TMEM132E: variants seen among roughly 807,000 people sequenced by gnomAD.
TMEM132E encodes the protein transmembrane protein 132E.
In TMEM132E, 49 loss-of-function variants were observed where a neutral mutation model predicts 78.5. The observed-to-expected ratio is 0.62, with a 90% CI of 0.50 to 0.79. The LOEUF (loss-of-function observed/expected upper bound fraction) is 0.79. TMEM132E is among the 30% of genes least tolerant of loss of function. TMEM132E has a pLI of 0.00. For synonymous variants in TMEM132E, 715 were observed against 670.6 expected (o/e 1.07, Z -1.02); for missense variants, 1,403 against 1,470.9 (o/e 0.95, Z 0.75).
rs754118422 is a variant in TMEM132E at position 34,637,515 on chromosome 17, G to A, written c.2508G>A (p.Glu836=). 6.2e-7 allele frequency: 1 copy of A among 1,604,256 alleles called. No homozygotes were observed. The highest frequency in any genetic ancestry group is 8.5e-7 in the Non-Finnish European group (1 of 1,176,244). ...GCCAACCAGGGCCCGGCGGGGGCGA[G>A]GACGAGGCCCGGGGAGCTGGCCCGC... ...GPSQPGPGGG[E]DEARGAGPPG... is the part of the protein sequence containing the mutation. The change falls in exon 9 of 9, where the codon GAG becomes GAA. Residue 836 remains glutamate, a synonymous_variant. Transcript: ENST00000631683.
chr17:34,635,987 C>A lies in TMEM132E; in HGVS notation c.1978-20C>A. ...TGTGCTTTCCTGGTTCTCTCCCACC[C>A]CGGTCCCGCTCTGCCTCAGGTGGTG... is the stretch of plus-strand genomic sequence containing the variant. On this transcript the variant is annotated intron_variant, in intron 7 of 8. Transcript: ENST00000631683. The A allele has an allele frequency of 7.2e-7, 1 of 1,391,976 alleles. No individual in the cohort carries two copies. The highest frequency in any genetic ancestry group is 9.4e-7 in the Non-Finnish European group (1 of 1,065,842). The allele number at this position is 1,391,976 out of a possible 1,614,324, so 86.2% of individuals were successfully genotyped here.
chr17:34,635,394 G>A (rs1442764528), intron 7 of TMEM132E, among the ~76,000 whole-genome samples: 1 of 152,172 alleles, frequency 6.6e-6, no homozygotes, highest in African/African-American at 2.4e-5. Flanking sequence ...GGTGATCTAG[G>A]AACTCAACTT....
intron 1 of TMEM132E, among the ~76,000 whole-genome samples, chr17:34,587,190 G>A (rs1905708452): frequency 1.3e-5 from 2 of 152,168 alleles, no homozygotes; most frequent in Non-Finnish European, 2.9e-5. Context: ...TCCCAGAACT[G>A]AACATCAGAC....
chr17:34,628,881 C>T (rs1907249868), intron 3 of TMEM132E, 131 bp from the exon 4 acceptor site: 1 of 1,380,248 alleles, frequency 7.2e-7, no homozygotes, highest in Non-Finnish European at 9.7e-7. Flanking sequence ...CTCAGATGGG[C>T]TGGAGAAGGC....
intron 1 of TMEM132E, among the ~76,000 whole-genome samples, chr17:34,589,233 G>GATAAGAGCCCT (rs1355257062): frequency 6.6e-6 from 1 of 152,212 alleles, no homozygotes; most frequent in Non-Finnish European, 1.5e-5. Context: ...GACCAGTCAG[G>GATAAGAGCCCT]ATAAGAGCCC....
intron 6 of TMEM132E, among the ~76,000 whole-genome samples, chr17:34,634,271 TCTCTC>T (rs1238682789): frequency 6.6e-6 from 1 of 152,212 alleles, no homozygotes; most frequent in Non-Finnish European, 1.5e-5. Flanking sequence ...TTTATGTGTC[TCTCTC>T]CTCTCACATT....
intron 1 of TMEM132E, among the ~76,000 whole-genome samples, chr17:34,605,079 G>A (rs1906369221): frequency 6.6e-6 from 1 of 152,296 alleles, no homozygotes; most frequent in South Asian, 2.1e-4. Context: ...GATGGGGCCT[G>A]TGATTTCGTA....
At chr17:34,590,228 C>T (rs1004857327) in intron 1 of TMEM132E, among the ~76,000 whole-genome samples, 1 of 152,334 alleles carries the variant, frequency 6.6e-6, no homozygotes, top group East Asian at 1.9e-4. Context: ...TGCTATGAGC[C>T]ACATCCTGTG....
At position 34,626,775 on chromosome 17, in the gene TMEM132E, C is replaced by A; in HGVS notation, c.716C>A (p.Pro239His). The stretch of plus-strand genomic sequence containing the variant: ...GAGCTCTACTACACGCTCCACGCCC[C>A]TGATGCGTCGGGGGGCTGCGGGGGC... The part of the protein sequence containing the change: ...QAELYYTLHA[P>H]DASGGCGGSR... Residue 239 changes from proline (P) to histidine (H), a missense_variant, in exon 2 of 9, where the codon CCT becomes CAT. Physicochemically the swap from Pro to His is moderately conservative, Grantham distance 77. Coordinates refer to ENST00000631683, the MANE Select transcript of TMEM132E (RefSeq NM_001304438.2). 1 of 1,482,942 alleles carries A rather than the reference C, an allele frequency of 6.7e-7. No homozygotes were observed. Among genetic ancestry groups the A allele is most frequent in the Non-Finnish European group, 9.0e-7 (1 of 1,110,990 alleles). The allele number at this position is 1,482,942 out of a possible 1,614,324, so 91.9% of individuals were successfully genotyped here.
intron 1 of TMEM132E, among the ~76,000 whole-genome samples, chr17:34,615,935 G>T (rs919543822): frequency 6.6e-6 from 1 of 152,092 alleles, no homozygotes; most frequent in Non-Finnish European, 1.5e-5. Context: ...TATAACATAG[G>T]CATTTTGTTA....
rs1036158379 is a variant in TMEM132E, at chr17:34,584,399, C to T, written c.67+3256C>T. On this transcript the variant is annotated intron_variant, in intron 1 of 8. Transcript: ENST00000631683. ...CCCCCTAGCTTCTCACCAGCAGTCC[C>T]CATACCCTGATAGAAATAAATGAAC... Among the ~76,000 whole-genome samples, 11 of 152,360 alleles carry T rather than the reference C, an allele frequency of 7.2e-5. 1 individual carries two copies. In the South Asian group the frequency reaches 2.3e-3, roughly 32 times the overall value.
intron 6 of TMEM132E, 80 bp from the exon 7 acceptor site, chr17:34,634,719 C>A: frequency 6.8e-7 from 1 of 1,463,610 alleles, no homozygotes; most frequent in East Asian, 2.5e-5. Context: ...GAGGACCCAA[C>A]AGGGCAAGGG....
chr17:34,636,207 C>A lies in TMEM132E; in HGVS notation c.2169+9C>A. 1 of 1,472,076 alleles carries A rather than the reference C, an allele frequency of 6.8e-7. No homozygotes were observed. Among genetic ancestry groups the A allele is most frequent in the African/African-American group, 1.5e-5 (1 of 68,944 alleles). 91.2% of individuals were successfully genotyped at this position (1,472,076 alleles called of 1,614,324 possible). A position where few individuals can be genotyped will look rare whatever the true frequency, so the allele number is the denominator to read the frequency against. On this transcript the variant is annotated intron_variant, in intron 8 of 8. Transcript: ENST00000631683. ...TGAGCTTCCTCAAGCAGGTAACTGG[C>A]TCCTTGGCCCACCAGCCAGGGAGTT...
At chr17:34,636,596 C>T (rs1356235468) in intron 8 of TMEM132E, among the ~76,000 whole-genome samples, 1 of 152,094 alleles carries the variant, frequency 6.6e-6, no homozygotes, top group African/African-American at 2.4e-5. Flanking sequence ...GGTGAGAGTC[C>T]TGGGGAGTGA....
chr17:34,581,568 G>T (rs1273387560), intron 1 of TMEM132E, among the ~76,000 whole-genome samples: 1 of 149,222 alleles, frequency 6.7e-6, no homozygotes, highest in Non-Finnish European at 1.5e-5. Flanking sequence ...CCCCGGGCGC[G>T]CAGGCCGGTG....
chr17:34,629,749 G>T (rs1597691483), intron 4 of TMEM132E, among the ~76,000 whole-genome samples: 1 of 152,150 alleles, frequency 6.6e-6, no homozygotes, highest in Admixed American at 6.5e-5. Flanking sequence ...AGATGGCAGG[G>T]GCCTGGGGAA....
intron 8 of TMEM132E, among the ~76,000 whole-genome samples, chr17:34,636,825 G>A (rs185264029): frequency 5.3e-5 from 8 of 152,334 alleles, no homozygotes; most frequent in African/African-American, 1.7e-4. Context: ...GGTTAGGCAT[G>A]GAGATATGGA....
At chr17:34,623,408 C>T (rs944683520) in intron 1 of TMEM132E, among the ~76,000 whole-genome samples, 1 of 150,602 alleles carries the variant, frequency 6.6e-6, no homozygotes, top group African/African-American at 2.5e-5. Context: ...CGCTCCCCCC[C>T]CCCCCCCCGT....
chr17:34,608,453 G>C (rs532081053), intron 1 of TMEM132E, among the ~76,000 whole-genome samples: 1 of 152,324 alleles, frequency 6.6e-6, no homozygotes, highest in South Asian at 2.1e-4. Context: ...ATGGAAGGTA[G>C]AATACATAAA....
Sources: gnomAD v4.1 joint callset for allele counts (sites outside exome capture counted in the v4.1 genomes callset) on GRCh38, gnomAD v4.1.1 for gene constraint, MANE v1.5 for transcripts, NCBI Gene and HGNC (gene_info 2026-07-23, HGNC 2026-07-21) for gene names.